DLG2: variants seen among roughly 807,000 people sequenced by gnomAD.
DLG2 encodes discs large MAGUK scaffold protein 2, also known as disks large homolog 2.
In DLG2, 45 loss-of-function variants were observed where a neutral mutation model predicts 132.5. The ratio of observed to expected loss-of-function variants is 0.34; its 90% CI spans 0.27 to 0.44. DLG2 has a LOEUF of 0.44. Among genes scored for constraint, DLG2 ranks in the 20% least tolerant of loss-of-function variants. The pLI is 1.00. For synonymous variants in DLG2, 424 were observed against 419.6 expected (o/e 1.01, Z -0.13); for missense variants, 1,045 against 1,196.9 (o/e 0.87, Z 1.87).
chr11:84,083,746 C>T (rs1425033055), intron 10 of DLG2, among the ~76,000 whole-genome samples: 1 of 152,134 alleles, frequency 6.6e-6, no homozygotes, highest in Non-Finnish European at 1.5e-5. Flanking sequence ...GCCTCCAGAA[C>T]CATGAGCCTA....
chr11:83,858,776 C>T (rs1213651823), intron 16 of DLG2, among the ~76,000 whole-genome samples: 1 of 152,164 alleles, frequency 6.6e-6, no homozygotes, highest in Non-Finnish European at 1.5e-5. Context: ...CTTTGATAGC[C>T]ATGGTTCTCT....
At chr11:85,268,730 T>G (rs1419894351) in intron 4 of DLG2, among the ~76,000 whole-genome samples, 2 of 152,214 alleles carry the variant, frequency 1.3e-5, no homozygotes. Flanking sequence ...TGTCGTCCTA[T>G]TTTCTTAATG....
chr11:85,097,828 G>C (rs1027127249), intron 6 of DLG2, among the ~76,000 whole-genome samples: 1 of 152,188 alleles, frequency 6.6e-6, no homozygotes, highest in Non-Finnish European at 1.5e-5. Context: ...CTGGGATTTT[G>C]GAGGAGGAAA....
intron 7 of DLG2, among the ~76,000 whole-genome samples, chr11:84,289,714 T>C (rs577425774): frequency 6.6e-6 from 1 of 152,270 alleles, no homozygotes; most frequent in African/African-American, 2.4e-5. Context: ...CAGGCATGAC[T>C]GTCTCACTCT....
At chr11:84,696,802 T>G (rs1056503682) in intron 6 of DLG2, among the ~76,000 whole-genome samples, 1 of 151,606 alleles carries the variant, frequency 6.6e-6, no homozygotes, top group Admixed American at 6.6e-5. Context: ...GGAGCCTAAA[T>G]TTGAGACCTC....
At chr11:84,526,933 C>T (rs2099322766) in intron 7 of DLG2, among the ~76,000 whole-genome samples, 1 of 152,180 alleles carries the variant, frequency 6.6e-6, no homozygotes, top group Non-Finnish European at 1.5e-5. Context: ...CATCCGCCAC[C>T]ACGCCCGGCT....
chr11:84,071,435 T>G (rs1488504683), intron 10 of DLG2, among the ~76,000 whole-genome samples: 1 of 152,060 alleles, frequency 6.6e-6, no homozygotes, highest in Admixed American at 6.6e-5. Flanking sequence ...GATGGGGGTC[T>G]TGCTCTGTGG....
intron 6 of DLG2, among the ~76,000 whole-genome samples, chr11:85,065,433 G>T (rs1453461740): frequency 6.6e-6 from 1 of 151,378 alleles, no homozygotes; most frequent in Non-Finnish European, 1.5e-5. Context: ...TTTCACAGAG[G>T]AGGATACTAA....
chr11:85,296,859 TTTA>T (rs1388867526), intron 3 of DLG2, among the ~76,000 whole-genome samples: 3 of 150,170 alleles, frequency 2.0e-5, no homozygotes, highest in South Asian at 2.1e-4. Flanking sequence ...GTAATAAAAT[TTTA>T]TTATAATTAT....
chr11:83,589,841 C>T (rs2097156737), intron 19 of DLG2, among the ~76,000 whole-genome samples: 1 of 142,990 alleles, frequency 7.0e-6, no homozygotes, highest in Non-Finnish European at 1.5e-5. Flanking sequence ...GGTTGCAATC[C>T]TAGTCTCTGA....
intron 6 of DLG2, among the ~76,000 whole-genome samples, chr11:85,025,287 T>C (rs560792270): frequency 7.2e-5 from 11 of 152,308 alleles, no homozygotes; most frequent in South Asian, 2.1e-4. Flanking sequence ...ATATTGATGC[T>C]TCAATTCAGA....
At chr11:85,379,632 C>A (rs2085712908) in intron 3 of DLG2, among the ~76,000 whole-genome samples, 1 of 152,186 alleles carries the variant, frequency 6.6e-6, no homozygotes, top group Non-Finnish European at 1.5e-5. Context: ...ATAAAGTCAA[C>A]TATTATAATC....
At chr11:85,358,093 A>T (rs1324848973) in intron 3 of DLG2, among the ~76,000 whole-genome samples, 2 of 151,862 alleles carry the variant, frequency 1.3e-5, no homozygotes, top group Admixed American at 1.3e-4. Context: ...CCTGAAAAAC[A>T]AAAAAAAGAA....
chr11:84,400,753 A>G (rs1248544465), intron 7 of DLG2, among the ~76,000 whole-genome samples: 2 of 152,158 alleles, frequency 1.3e-5, no homozygotes, highest in African/African-American at 4.8e-5. Flanking sequence ...TAGACAGCAG[A>G]TTTAGACATT....
At chr11:83,583,655 G>A (rs867990895) in intron 19 of DLG2, among the ~76,000 whole-genome samples, 17 of 152,278 alleles carry the variant, frequency 1.1e-4, no homozygotes, top group South Asian at 4.1e-4. Flanking sequence ...TTACCATAGG[G>A]ATTTCAAAGA....
chr11:85,557,300 T>C (rs2076994369), intron 3 of DLG2, among the ~76,000 whole-genome samples: 1 of 151,714 alleles, frequency 6.6e-6, no homozygotes, highest in South Asian at 2.1e-4. Flanking sequence ...CTGAAGAAAA[T>C]TACGGATGAC....
chr11:83,962,869 AAC>A lies in DLG2; in HGVS notation c.1340+14_1340+15del, dbSNP rs768864825. Reference sequence around the variant, plus strand: ...GTAATAAGAGCAAATCCAATTAACTAACAGGCATATCTGACCTGGTGTAGTCG... The same window carrying A: ...GTAATAAGAGCAAATCCAATTAACTAAGGCATATCTGACCTGGTGTAGTCG... On this transcript the variant is annotated intron_variant, in intron 14 of 27. Coordinates refer to ENST00000376104, the MANE Select transcript of DLG2 (RefSeq NM_001142699.3). 38 of 1,611,426 alleles carry A rather than the reference AAC, an allele frequency of 2.4e-5. No individual in the cohort carries two copies. The highest frequency in any genetic ancestry group is 3.1e-5 in the Non-Finnish European group (36 of 1,178,350).
intron 3 of DLG2, among the ~76,000 whole-genome samples, chr11:85,319,041 G>A (rs2080875852): frequency 6.6e-6 from 1 of 151,810 alleles, no homozygotes; most frequent in Admixed American, 6.6e-5. Context: ...ATGCCTAGTT[G>A]CATTTAAATT....
intron 15 of DLG2, among the ~76,000 whole-genome samples, chr11:83,878,803 G>C (rs1397802821): frequency 6.6e-6 from 1 of 152,124 alleles, no homozygotes; most frequent in South Asian, 2.1e-4. Flanking sequence ...GTCCCCTGTC[G>C]CCTGGTAGAA....
Sources: gnomAD v4.1 joint callset for allele counts (sites outside exome capture counted in the v4.1 genomes callset) on GRCh38, gnomAD v4.1.1 for gene constraint, MANE v1.5 for transcripts, NCBI Gene and HGNC (gene_info 2026-07-23, HGNC 2026-07-21) for gene names.